Variants in GRM7 observed in about 807,000 individuals in gnomAD.
GRM7 encodes the protein metabotropic glutamate receptor 7.
Under a neutral mutation model 84.5 loss-of-function variants are expected in GRM7, and 35 were observed. The observed-to-expected ratio is 0.41, with a 90% CI of 0.32 to 0.55. The LOEUF (loss-of-function observed/expected upper bound fraction) is 0.55. Ranked by LOEUF, GRM7 falls within the 20% of genes least tolerant of loss-of-function variation. GRM7 has a pLI of 0.19. For synonymous variants in GRM7, 487 were observed against 455.1 expected, an observed-to-expected ratio of 1.07 and a Z score of -0.89; for missense variants, 1,003 against 1,194.6, an observed-to-expected ratio of 0.84 and a Z score of 2.36.
At chr3:7,052,719 A>ATTTTTTTT in intron 1 of GRM7, among the ~76,000 whole-genome samples, 1 of 104,260 alleles carries the variant, frequency 9.6e-6, no homozygotes, top group African/African-American at 5.5e-5. Flanking sequence ...AAGTATCGGT[A>ATTTTTTTT]GTTTTTTTTT....
Position 6,932,790 on chromosome 3 carries a change from T to G in GRM7, c.519+70883T>G, listed in dbSNP as rs1289384512. 4.9e-5 allele frequency among the ~76,000 whole-genome samples: 7 copies of G among 142,936 alleles called. No homozygotes were observed. In the East Asian group the frequency reaches 1.5e-3, roughly 30 times the overall value. 93.8% of individuals were successfully genotyped at this position (142,936 alleles called of 152,430 possible). On this transcript the variant is annotated intron_variant, in intron 1 of 9. Transcript: ENST00000357716. ...TTTTTTTTGAGACAGAGTCTCGCCC[T>G]GTCAGCCAGGCTGGAGTGCAATGGC...
At chr3:6,914,640 A>G (rs190024991) in intron 1 of GRM7, among the ~76,000 whole-genome samples, 2 of 152,114 alleles carry the variant, frequency 1.3e-5, no homozygotes, top group African/African-American at 2.4e-5. Flanking sequence ...AGACCTCATG[A>G]TCCACCTGCC....
intron 7 of GRM7, among the ~76,000 whole-genome samples, chr3:7,509,838 T>G (rs947147529): frequency 1.1e-5 from 1 of 88,332 alleles, no homozygotes; most frequent in Non-Finnish European, 2.4e-5. Flanking sequence ...ATCAGGGGAT[T>G]GAAAAAATAA....
intron 7 of GRM7, among the ~76,000 whole-genome samples, chr3:7,569,584 C>T (rs145750413): frequency 2.6e-4 from 40 of 152,224 alleles, no homozygotes; most frequent in Non-Finnish European, 4.7e-4. Flanking sequence ...CCTTCCACGC[C>T]GTGGAAGCTT....
chr3:7,529,591 T>C (rs1231689359), intron 7 of GRM7, among the ~76,000 whole-genome samples: 1 of 152,156 alleles, frequency 6.6e-6, no homozygotes. Context: ...GGCTTTTTCA[T>C]AGGCTCTCCT....
rs576702497 is a variant in GRM7 at position 7,683,065 on chromosome 3, A to G, written c.2698+2770A>G. On this transcript the variant is annotated intron_variant, in intron 9 of 9. Coordinates refer to ENST00000357716, the MANE Select transcript of GRM7 (RefSeq NM_000844.4). ...TCTTTGCTCCTCTGTTTCTTAGAAT[A>G]TGAATGGCATGTCGAAATTCCAATG... Among the ~76,000 whole-genome samples the G allele has an allele frequency of 9.1e-4, 139 of 152,322 alleles. 2 individuals are homozygous for G. The South Asian group carries it at 0.027, about 29-fold the overall frequency.
intron 2 of GRM7, among the ~76,000 whole-genome samples, chr3:7,248,081 C>T (rs1191119281): frequency 6.6e-6 from 1 of 152,152 alleles, no homozygotes; most frequent in Non-Finnish European, 1.5e-5. Flanking sequence ...TAAAGTTAAT[C>T]ACCTATCTGG....
chr3:7,550,385 T>G (rs1693393280), intron 7 of GRM7, among the ~76,000 whole-genome samples: 1 of 143,278 alleles, frequency 7.0e-6, no homozygotes, highest in Non-Finnish European at 1.5e-5. Context: ...CTCTCTTCCT[T>G]TTGCTTGCTT....
rs180991467 is a variant in GRM7, at chr3:7,364,596, C to A, written c.1034-50427C>A. ...TCAGACTGACTTTTTGTTTTTATTCCTTTTCTTCTACCAGGAAATATACAT... is the reference window on the plus strand; with the variant it reads ...TCAGACTGACTTTTTGTTTTTATTCATTTTCTTCTACCAGGAAATATACAT... On this transcript the variant is annotated intron_variant, in intron 4 of 9. Coordinates refer to ENST00000357716, the MANE Select transcript of GRM7 (RefSeq NM_000844.4). Among the ~76,000 whole-genome samples the A allele has an allele frequency of 1.3e-3, 201 of 150,106 alleles. 1 individual carries two copies. Among genetic ancestry groups the A allele is most frequent in the Middle Eastern group, 7.0e-3 (2 of 286 alleles).
chr3:7,358,351 G>C (rs1693501415), intron 4 of GRM7, among the ~76,000 whole-genome samples: 1 of 149,800 alleles, frequency 6.7e-6, no homozygotes, highest in Non-Finnish European at 1.5e-5. Context: ...CGTGGACTGA[G>C]TCCCAGGAGA....
chr3:7,073,568 G>A (rs574348435), intron 1 of GRM7, among the ~76,000 whole-genome samples: 84 of 152,186 alleles, frequency 5.5e-4, no homozygotes, highest in Middle Eastern at 3.4e-3. Flanking sequence ...TGATTCCTAA[G>A]TGACTATTGG....
chr3:7,674,400 C>T (rs1334269726), intron 8 of GRM7, among the ~76,000 whole-genome samples: 1 of 152,072 alleles, frequency 6.6e-6, no homozygotes, highest in African/African-American at 2.4e-5. Context: ...CCACATTGGC[C>T]AGGCTGGTCT....
chr3:7,551,647 C>G (rs906177481), intron 7 of GRM7, among the ~76,000 whole-genome samples: 1 of 151,294 alleles, frequency 6.6e-6, no homozygotes, highest in Non-Finnish European at 1.5e-5. Context: ...TATGACAATG[C>G]TTCTGCCTAG....
intron 2 of GRM7, among the ~76,000 whole-genome samples, chr3:7,194,066 C>T (rs1467153280): frequency 6.6e-6 from 1 of 152,090 alleles, no homozygotes; most frequent in African/African-American, 2.4e-5. Flanking sequence ...GCTCTCTTTA[C>T]ACATCCTCTA....
At chr3:7,640,130 C>G (rs1028134843) in intron 8 of GRM7, among the ~76,000 whole-genome samples, 1 of 152,066 alleles carries the variant, frequency 6.6e-6, no homozygotes, top group Non-Finnish European at 1.5e-5. Flanking sequence ...TCTTCCTATC[C>G]GCCACAATGC....
At chr3:7,631,508 T>C (rs137932604) in intron 8 of GRM7, among the ~76,000 whole-genome samples, 203 of 152,344 alleles carry the variant, frequency 1.3e-3, no homozygotes, top group African/African-American at 4.5e-3. Flanking sequence ...GATTCTTTTC[T>C]AGGTTCTGGA....
intron 1 of GRM7, among the ~76,000 whole-genome samples, chr3:6,880,696 G>A (rs1695476284): frequency 6.6e-6 from 1 of 151,946 alleles, no homozygotes; most frequent in African/African-American, 2.4e-5. Context: ...GAATCCTTCA[G>A]CATTCCATCT....
Position 7,471,207 on chromosome 3 carries a change from G to GA in GRM7, c.1515+9485_1515+9486insA, listed in dbSNP as rs1698687447. 9.5e-5 allele frequency among the ~76,000 whole-genome samples: 12 copies of GA among 125,834 alleles called. 1 individual carries two copies. Among genetic ancestry groups the GA allele is most frequent in the Admixed American group, 9.3e-4 (12 of 12,868 alleles). 82.6% of individuals were successfully genotyped at this position (125,834 alleles called of 152,430 possible). A position where few individuals can be genotyped will look rare whatever the true frequency, so the allele number is the denominator to read the frequency against. The stretch of plus-strand genomic sequence containing the variant: ...CTTGTATTAGTTTTTTATTGCTGCT[G>GA]TAAAAAAAAAAATTACCGCTAATTT... On this transcript the variant is annotated intron_variant, in intron 7 of 9. Coordinates refer to ENST00000357716, the MANE Select transcript of GRM7 (RefSeq NM_000844.4).
intron 1 of GRM7, among the ~76,000 whole-genome samples, chr3:6,902,406 C>A (rs1696420423): frequency 6.6e-6 from 1 of 152,066 alleles, no homozygotes; most frequent in Non-Finnish European, 1.5e-5. Flanking sequence ...GAATTTGGAA[C>A]CCAAAGCCCA....
Sources: gnomAD v4.1 joint callset for allele counts (sites outside exome capture counted in the v4.1 genomes callset) on GRCh38, gnomAD v4.1.1 for gene constraint, MANE v1.5 for transcripts, NCBI Gene and HGNC (gene_info 2026-07-23, HGNC 2026-07-21) for gene names.